Variants in PTPRJ observed in about 807,000 individuals in gnomAD.
PTPRJ encodes the protein protein tyrosine phosphatase receptor type J.
In PTPRJ, 129 loss-of-function variants were observed where a neutral mutation model predicts 141.3. The observed-to-expected ratio is 0.91, with a 90% CI of 0.79 to 1.06. The LOEUF is 1.06. PTPRJ is among the 50% of genes least tolerant of loss of function. The probability of loss-of-function intolerance (pLI) is 0.00; values close to 1 mark genes in which losing one functional copy is unlikely to be tolerated. For synonymous variants in PTPRJ, 610 were observed against 640.5 expected, an observed-to-expected ratio of 0.95 and a Z score of 0.72; for missense variants, 1,601 against 1,679.7, an observed-to-expected ratio of 0.95 and a Z score of 0.82.
intron 1 of PTPRJ, among the ~76,000 whole-genome samples, chr11:48,088,804 C>G (rs1012381158): frequency 6.6e-6 from 1 of 152,156 alleles, no homozygotes; most frequent in African/African-American, 2.4e-5. Flanking sequence ...CCTTCTCCCC[C>G]TCCTTGGTTT....
intron 1 of PTPRJ, among the ~76,000 whole-genome samples, chr11:48,048,912 G>T (rs536133277): frequency 6.6e-6 from 1 of 152,154 alleles, no homozygotes; most frequent in South Asian, 2.1e-4. Flanking sequence ...TACAGCTGAC[G>T]CCTATCTAAG....
chr11:47,986,667 C>T (rs1278225403), intron 1 of PTPRJ, among the ~76,000 whole-genome samples: 2 of 152,162 alleles, frequency 1.3e-5, no homozygotes, highest in African/African-American at 2.4e-5. Flanking sequence ...CAGGCACGCT[C>T]CGTCATGTCT....
At chr11:48,148,869 G>A (rs1206033430) in intron 15 of PTPRJ, among the ~76,000 whole-genome samples, 1 of 151,930 alleles carries the variant, frequency 6.6e-6, no homozygotes, top group African/African-American at 2.4e-5. Flanking sequence ...CTAAATCTTT[G>A]GGCACATTCA....
At chr11:48,119,873 C>A (rs181477264) in intron 3 of PTPRJ, among the ~76,000 whole-genome samples, 16 of 152,280 alleles carry the variant, frequency 1.1e-4, no homozygotes, top group African/African-American at 2.6e-4. Context: ...TTTTACTCTT[C>A]GGTTTCTGGT....
intron 1 of PTPRJ, among the ~76,000 whole-genome samples, chr11:48,033,591 C>T (rs1345487739): frequency 1.3e-5 from 2 of 152,126 alleles, no homozygotes; most frequent in Non-Finnish European, 2.9e-5. Flanking sequence ...TGAGCTGCTC[C>T]AAACGTGTGC....
intron 6 of PTPRJ, among the ~76,000 whole-genome samples, chr11:48,127,143 G>A (rs550809423): frequency 2.6e-4 from 39 of 152,286 alleles, no homozygotes; most frequent in African/African-American, 9.1e-4. Context: ...AGCCCATGTG[G>A]CAAGACCCCC....
chr11:48,061,754 G>A (rs981590365), intron 1 of PTPRJ, among the ~76,000 whole-genome samples: 6 of 151,888 alleles, frequency 4.0e-5, no homozygotes, highest in African/African-American at 1.5e-4. Context: ...ACTTATTATT[G>A]GGGAAAAATA....
At chr11:48,148,966 A>C (rs567952428) in intron 15 of PTPRJ, among the ~76,000 whole-genome samples, 1 of 152,320 alleles carries the variant, frequency 6.6e-6, no homozygotes, top group South Asian at 2.1e-4. Flanking sequence ...ATACTGCCAA[A>C]TTACCTTCCA....
At chr11:48,027,605 G>A (rs753873941) in intron 1 of PTPRJ, among the ~76,000 whole-genome samples, 14 of 151,656 alleles carry the variant, frequency 9.2e-5, no homozygotes, top group Non-Finnish European at 2.1e-4. Context: ...AGCCCGGCCA[G>A]TGTGATGAAA....
intron 19 of PTPRJ, among the ~76,000 whole-genome samples, chr11:48,154,826 A>G (rs1857563363): frequency 6.6e-6 from 1 of 152,120 alleles, no homozygotes; most frequent in African/African-American, 2.4e-5. Context: ...TTGCCCTTGT[A>G]AGGGTAATTT....
intron 1 of PTPRJ, among the ~76,000 whole-genome samples, chr11:48,096,600 G>A (rs981402272): frequency 2.0e-5 from 3 of 150,544 alleles, no homozygotes; most frequent in Non-Finnish European, 4.4e-5. Flanking sequence ...TCTGGATTGA[G>A]TTTTCCTCAA....
intron 1 of PTPRJ, among the ~76,000 whole-genome samples, chr11:48,100,050 C>T (rs190995234): frequency 2.6e-5 from 4 of 152,244 alleles, no homozygotes; most frequent in Admixed American, 2.6e-4. Context: ...ACTCAGCAGA[C>T]CCCACTGGCA....
intron 1 of PTPRJ, among the ~76,000 whole-genome samples, chr11:47,987,211 A>G (rs1339318102): frequency 3.3e-5 from 5 of 152,166 alleles, no homozygotes; most frequent in Admixed American, 6.6e-5. Context: ...CCTGTCTCAA[A>G]AAGAAAAAAA....
At chr11:48,037,427 G>A (rs545146728) in intron 1 of PTPRJ, among the ~76,000 whole-genome samples, 2 of 152,292 alleles carry the variant, frequency 1.3e-5, no homozygotes, top group East Asian at 3.9e-4. Context: ...AAGCTTGTTT[G>A]AGTCTGTCTG....
At chr11:48,001,080 G>T (rs1488545206) in intron 1 of PTPRJ, among the ~76,000 whole-genome samples, 1 of 145,918 alleles carries the variant, frequency 6.9e-6, no homozygotes, top group Non-Finnish European at 1.5e-5. Flanking sequence ...TGCAACCTCT[G>T]CCTCCCAGGT....
At chr11:48,009,454 G>A (rs187984355) in intron 1 of PTPRJ, among the ~76,000 whole-genome samples, 14 of 152,244 alleles carry the variant, frequency 9.2e-5, no homozygotes, top group Non-Finnish European at 5.9e-5. Flanking sequence ...AAACTAGCTG[G>A]GTATGGTGGC....
In PTPRJ at chr11:48,128,100, C is replaced by G. The variant is rs1856889542; in HGVS notation, c.1357+57C>G. On this transcript the variant is annotated intron_variant, in intron 7 of 24. Transcript: ENST00000418331. ...CCTGCTGTCCTGCTCCGTGCCAGGC[C>G]CAGACACAGGATGCATGATGTAGTA... The G allele has an allele frequency of 4.5e-6, 7 of 1,548,886 alleles. No individual in the cohort carries two copies. The African/African-American group carries it at 6.8e-5, about 15-fold the overall frequency.
At chr11:48,020,115 G>A (rs916178201) in intron 1 of PTPRJ, among the ~76,000 whole-genome samples, 1 of 152,140 alleles carries the variant, frequency 6.6e-6, no homozygotes, top group Non-Finnish European at 1.5e-5. Flanking sequence ...ATCCTGGCGA[G>A]GCTGTAATTT....
chr11:48,043,583 AG>A (rs1854320536), intron 1 of PTPRJ, among the ~76,000 whole-genome samples: 4 of 152,228 alleles, frequency 2.6e-5, no homozygotes, highest in Admixed American at 2.6e-4. Flanking sequence ...ATAAGACAGC[AG>A]ACGGTCAAAG....
Sources: allele counts gnomAD v4.1 joint callset (sites outside exome capture counted in the v4.1 genomes callset), GRCh38; gene constraint gnomAD v4.1.1; transcripts MANE v1.5; gene names NCBI Gene and HGNC (gene_info 2026-07-23, HGNC 2026-07-21).